The following ADIPOR2 variants were observed in gnomAD, a reference collection of about 807,000 sequenced individuals.
The protein encoded by ADIPOR2 is adiponectin receptor protein 2.
In ADIPOR2, 18 loss-of-function variants were observed where a neutral mutation model predicts 40.9. That is an observed-to-expected ratio of 0.44 (90% CI 0.30 to 0.65). The LOEUF is 0.65. ADIPOR2 is among the 30% of genes least tolerant of loss of function. The pLI, the probability that ADIPOR2 is intolerant of heterozygous loss-of-function variation, is 0.09. For synonymous variants in ADIPOR2, 165 were observed against 166.4 expected, an observed-to-expected ratio of 0.99 and a Z score of 0.06; for missense variants, 283 against 479.2, an observed-to-expected ratio of 0.59 and a Z score of 3.82.
intron 1 of ADIPOR2, 148 bp downstream of exon 1, chr12:1,691,339 C>A (rs1379619161): frequency 1.3e-5 from 2 of 152,414 alleles, no homozygotes; most frequent in Non-Finnish European, 2.9e-5. Context: ...TCGGCCCGGC[C>A]CGCAACTTGA....
intron 1 of ADIPOR2, among the ~76,000 whole-genome samples, chr12:1,751,018 C>CTT (rs547881719): frequency 7.2e-6 from 1 of 138,468 alleles, no homozygotes. Context: ...GACTTGTTTG[C>CTT]TTTTTTTTTT....
intron 2 of ADIPOR2, among the ~76,000 whole-genome samples, chr12:1,763,382 G>A (rs182039465): frequency 2.0e-5 from 3 of 152,324 alleles, no homozygotes; most frequent in Admixed American, 6.5e-5. Flanking sequence ...TTTTGTAAAT[G>A]CAGTATGTAA....
chr12:1,719,939 A>C lies in ADIPOR2; in HGVS notation c.-87+28748A>C, dbSNP rs149166723. 3.6e-3 allele frequency among the ~76,000 whole-genome samples: 551 copies of C among 152,172 alleles called. 4 individuals carry two copies. Among genetic ancestry groups the C allele is most frequent in the African/African-American group, 0.013 (523 of 41,520 alleles). ...TGATCTGTCTGCCCCGGCCTCCCAA[A>C]GTGTTGGAATTACAGGCTTGAGCCA... On this transcript the variant is annotated intron_variant, in intron 1 of 7. Transcript: ENST00000357103.
intron 1 of ADIPOR2, among the ~76,000 whole-genome samples, chr12:1,743,875 C>T (rs926055840): frequency 3.3e-5 from 5 of 151,980 alleles, no homozygotes; most frequent in Non-Finnish European, 5.9e-5. Context: ...TTTTTTATTA[C>T]ATTAAAAAAC....
chr12:1,782,996 T>C (rs1321910110), intron 6 of ADIPOR2, among the ~76,000 whole-genome samples: 10 of 94,030 alleles, frequency 1.1e-4, no homozygotes, highest in Non-Finnish European at 1.8e-4. Flanking sequence ...TTTTTTTTTT[T>C]TTTTTTGAGA....
At chr12:1,763,016 T>G (rs933861390) in intron 2 of ADIPOR2, among the ~76,000 whole-genome samples, 2 of 152,240 alleles carry the variant, frequency 1.3e-5, no homozygotes, top group Non-Finnish European at 2.9e-5. Context: ...ATTGTAGTTG[T>G]GGAATTGGCT....
rs553175799 is a variant in ADIPOR2, at chr12:1,748,218, T to C, written c.-86-6040T>C. Among the ~76,000 whole-genome samples, 4 of 152,254 alleles carry C rather than the reference T, an allele frequency of 2.6e-5. No homozygotes were observed. The East Asian group carries it at 7.7e-4, about 29-fold the overall frequency. ...TCATTGATCTCTATCTGAGGTGATATTGTCATTATGCTTTCCTTTACTTTT... is the reference window on the plus strand; with the variant it reads ...TCATTGATCTCTATCTGAGGTGATACTGTCATTATGCTTTCCTTTACTTTT... On this transcript the variant is annotated intron_variant, in intron 1 of 7. Transcript: ENST00000357103.
chr12:1,781,098 A>G (rs769569456), intron 6 of ADIPOR2, 22 bp downstream of exon 6: 1 of 1,533,858 alleles, frequency 6.5e-7, no homozygotes, highest in Non-Finnish European at 8.8e-7. Flanking sequence ...GGGAGGTTCT[A>G]CATTCGACAT....
chr12:1,764,101 G>C (rs1862325191), intron 2 of ADIPOR2, among the ~76,000 whole-genome samples: 1 of 152,156 alleles, frequency 6.6e-6, no homozygotes. Flanking sequence ...CCAGATGTGT[G>C]ACTTTGGCCA....
chr12:1,708,658 G>A (rs1848635754), intron 1 of ADIPOR2, among the ~76,000 whole-genome samples: 1 of 151,126 alleles, frequency 6.6e-6, no homozygotes, highest in Admixed American at 6.6e-5. Flanking sequence ...TTTGACCTTT[G>A]TTGAAAATCA....
At chr12:1,723,147 G>A (rs963623837) in intron 1 of ADIPOR2, among the ~76,000 whole-genome samples, 19 of 152,126 alleles carry the variant, frequency 1.2e-4, no homozygotes, top group African/African-American at 4.3e-4. Context: ...TCTCATTAGA[G>A]CCCAGAGAAT....
Position 1,722,445 on chromosome 12 carries a change from T to C in ADIPOR2, c.-87+31254T>C, listed in dbSNP as rs190507398. 1.7e-4 allele frequency among the ~76,000 whole-genome samples: 26 copies of C among 152,122 alleles called. No homozygotes were observed. The East Asian group carries it at 5.0e-3, about 29-fold the overall frequency. Reference sequence around the variant, plus strand: ...GTAGTACTGTGGAATTCAGTGAGAGTTTAGGGCCAGGGATAAATATTTAGG... The same window carrying C: ...GTAGTACTGTGGAATTCAGTGAGAGCTTAGGGCCAGGGATAAATATTTAGG... On this transcript the variant is annotated intron_variant, in intron 1 of 7. Coordinates refer to ENST00000357103, the MANE Select transcript of ADIPOR2 (RefSeq NM_024551.3).
chr12:1,740,733 C>G lies in ADIPOR2; in HGVS notation c.-86-13525C>G, dbSNP rs116767624. Among the ~76,000 whole-genome samples the G allele has an allele frequency of 3.8e-3, 577 of 152,256 alleles. 2 individuals are homozygous for G. The highest frequency in any genetic ancestry group is 0.013 in the African/African-American group (547 of 41,548). ...TGTTTTACGTATGTATGTGTGTGTA[C>G]TATGTGACAGATCCTGTTTTAGATA... On this transcript the variant is annotated intron_variant, in intron 1 of 7. Coordinates refer to ENST00000357103, the MANE Select transcript of ADIPOR2 (RefSeq NM_024551.3).
At chr12:1,748,014 C>G (rs1023218516) in intron 1 of ADIPOR2, among the ~76,000 whole-genome samples, 1 of 151,918 alleles carries the variant, frequency 6.6e-6, no homozygotes, top group African/African-American at 2.4e-5. Context: ...TTTTTTTCCC[C>G]TCTACCACTT....
At chr12:1,723,246 C>T (rs992177658) in intron 1 of ADIPOR2, among the ~76,000 whole-genome samples, 3 of 152,022 alleles carry the variant, frequency 2.0e-5, no homozygotes, top group Admixed American at 1.3e-4. Flanking sequence ...AACATTTTTA[C>T]CCTGGTTTAA....
At chr12:1,750,806 A>G (rs1169624560) in intron 1 of ADIPOR2, among the ~76,000 whole-genome samples, 1 of 151,986 alleles carries the variant, frequency 6.6e-6, no homozygotes, top group Admixed American at 6.6e-5. Context: ...CACATTGATG[A>G]TTTTTCTTAT....
Position 1,787,118 on chromosome 12 carries a change from C to T in ADIPOR2, c.*1046C>T, listed in dbSNP as rs1014824364. On this transcript the variant is annotated 3_prime_UTR_variant, in exon 8 of 8. Coordinates refer to ENST00000357103, the MANE Select transcript of ADIPOR2 (RefSeq NM_024551.3). ...AGCTCTGGAACACTCTCTAAATTTC[C>T]CTCTATTAAAAATCACTGCCCTAAC... is the stretch of plus-strand genomic sequence containing the variant. The T allele has an allele frequency of 6.6e-6, 1 of 152,122 alleles. No individual in the cohort carries two copies. Among genetic ancestry groups the T allele is most frequent in the African/African-American group, 2.4e-5 (1 of 41,412 alleles). 9.4% of individuals were successfully genotyped at this position (152,122 alleles called of 1,614,324 possible).
intron 1 of ADIPOR2, among the ~76,000 whole-genome samples, chr12:1,703,227 G>T (rs2094654124): frequency 6.6e-6 from 1 of 152,138 alleles, no homozygotes; most frequent in South Asian, 2.1e-4. Context: ...CTATATACTA[G>T]TTAAGTTTTT....
rs1414003523 is a variant in ADIPOR2, at chr12:1,771,052, A to C, written c.172-1790A>C. Among the ~76,000 whole-genome samples, 5 of 152,296 alleles carry C rather than the reference A, an allele frequency of 3.3e-5. No homozygotes were observed. In the East Asian group the frequency reaches 9.6e-4, roughly 29 times the overall value. ...TCTAAAATGTCCCAGGGCCGGGTGC[A>C]GTGGCTCATACCTGTAATCCCAACA... On this transcript the variant is annotated intron_variant, in intron 2 of 7. Transcript: ENST00000357103.
Sources: gnomAD v4.1 joint callset for allele counts (sites outside exome capture counted in the v4.1 genomes callset) on GRCh38, gnomAD v4.1.1 for gene constraint, MANE v1.5 for transcripts, NCBI Gene and HGNC (gene_info 2026-07-23, HGNC 2026-07-21) for gene names.